Variants in METTL5 observed in about 807,000 individuals in gnomAD.
METTL5 encodes the protein methyltransferase 5, N6-adenosine, also known as rRNA N(6)-adenosine-methyltransferase METTL5.
In METTL5, 28 loss-of-function variants were observed where a neutral mutation model predicts 26.5. The ratio of observed to expected loss-of-function variants is 1.06; its 90% confidence interval spans 0.78 to 1.45. The LOEUF (loss-of-function observed/expected upper bound fraction) is 1.45. METTL5 is among the 40% of genes most tolerant of loss of function. The pLI is 0.00. For missense variants in METTL5, 231 were observed against 249.9 expected (o/e 0.92, Z 0.51); for synonymous variants, 86 against 82.6 (o/e 1.04, Z -0.22).
chr2:169,821,065 C>T, intron 3 of METTL5, 27 bp downstream of exon 3: 1 of 1,529,934 alleles, frequency 6.5e-7, no homozygotes, highest in Non-Finnish European at 8.8e-7. Context: ...TATAAATATA[C>T]CAATATACCC....
Position 169,824,636 on chromosome 2 carries a change from A to G in METTL5, c.-39T>C. The G allele has an allele frequency of 6.9e-7, 1 of 1,458,606 alleles. No homozygotes were observed. The highest frequency in any genetic ancestry group is 9.6e-7 in the Non-Finnish European group (1 of 1,038,380). The allele number at this position is 1,458,606 out of a possible 1,614,324, so 90.4% of individuals were successfully genotyped here. ...ATGGACTCGTAGGGTTTGAAGGCAC[A>G]GGATCTGCGGAGAAATCTATTGAAC... On this transcript the variant is annotated 5_prime_UTR_variant, in exon 1 of 7. Transcript: ENST00000260953.
At chr2:169,818,529 T>C (rs1224959235) in intron 4 of METTL5, among the ~76,000 whole-genome samples, 1 of 152,222 alleles carries the variant, frequency 6.6e-6, no homozygotes, top group Non-Finnish European at 1.5e-5. Flanking sequence ...GAGGATTTAT[T>C]TACTAGCTAT....
At chr2:169,814,821 T>C (rs982054723) in intron 5 of METTL5, among the ~76,000 whole-genome samples, 1 of 152,136 alleles carries the variant, frequency 6.6e-6, no homozygotes, top group Non-Finnish European at 1.5e-5. Flanking sequence ...GTGATCCGCC[T>C]GCCTCAGCCT....
At chr2:169,823,737 C>A (rs1369065337) in intron 1 of METTL5, among the ~76,000 whole-genome samples, 1 of 152,196 alleles carries the variant, frequency 6.6e-6, no homozygotes, top group African/African-American at 2.4e-5. Context: ...AGGAGGATCA[C>A]TTGAGTCCTG....
In METTL5 at chr2:169,813,558, A is replaced by G. The variant is rs531231784; in HGVS notation, c.542-1052T>C. On this transcript the variant is annotated intron_variant, in intron 5 of 6. Transcript: ENST00000260953. The stretch of plus-strand genomic sequence containing the variant: ...TGTTCTAAGGTGTTCCGTACTGCAT[A>G]TAATACCTAAAACTGGCCGGGCGCG... Among the ~76,000 whole-genome samples the G allele has an allele frequency of 5.9e-4, 90 of 152,050 alleles. No individual in the cohort carries two copies. The Middle Eastern group carries it at 0.02, about 34-fold the overall frequency.
chr2:169,813,373 C>T (rs1183942312), intron 5 of METTL5, among the ~76,000 whole-genome samples: 3 of 151,516 alleles, frequency 2.0e-5, no homozygotes, highest in Non-Finnish European at 4.4e-5. Context: ...TCAAGATCTG[C>T]CCACCTCAGC....
intron 3 of METTL5, among the ~76,000 whole-genome samples, chr2:169,820,267 G>A (rs1317458525): frequency 1.3e-5 from 2 of 152,120 alleles, no homozygotes; most frequent in Non-Finnish European, 2.9e-5. Context: ...AACTATGCAT[G>A]TCTTTTCCTA....
chr2:169,822,496 C>CAGAT (rs1376034727), intron 1 of METTL5, among the ~76,000 whole-genome samples: 2 of 152,202 alleles, frequency 1.3e-5, no homozygotes, highest in Non-Finnish European at 2.9e-5. Context: ...GCAACTCTAT[C>CAGAT]AATTTCCAAA....
chr2:169,819,590 A>G lies in METTL5; in HGVS notation c.460T>C (p.Tyr154His). Residue 154 changes from tyrosine (Y) to histidine (H), a missense_variant, in exon 4 of 7, where the codon TAT becomes CAT. Coordinates refer to ENST00000260953, the MANE Select transcript of METTL5 (RefSeq NM_014168.4). ...TALEMARTAV[Y>H]SLHKSSTREH... The stretch of plus-strand genomic sequence containing the variant: ...CTAGTTGAGGATTTGTGTAAGGAAT[A>G]TACTGCTGTTCTTGCCATTTCCAAA... The G allele has an allele frequency of 5.0e-6, 8 of 1,613,196 alleles. No individual in the cohort carries two copies. Among genetic ancestry groups the G allele is most frequent in the Non-Finnish European group, 6.8e-6 (8 of 1,179,430 alleles).
intron 3 of METTL5, 93 bp downstream of exon 3, chr2:169,820,999 G>T: frequency 1.9e-6 from 2 of 1,042,646 alleles, no homozygotes; most frequent in Non-Finnish European, 2.8e-6. Context: ...CAAAGCACTG[G>T]CATTACACGC....
At chr2:169,817,828 T>C (rs2081530707) in intron 4 of METTL5, among the ~76,000 whole-genome samples, 1 of 152,078 alleles carries the variant, frequency 6.6e-6, no homozygotes, top group African/African-American at 2.4e-5. Context: ...GACAAGTTGA[T>C]GGGTGCAGCA....
At chr2:169,823,506 C>T (rs1480923535) in intron 1 of METTL5, among the ~76,000 whole-genome samples, 1 of 152,186 alleles carries the variant, frequency 6.6e-6, no homozygotes, top group Non-Finnish European at 1.5e-5. Flanking sequence ...AAACTCCTTG[C>T]AGGTACTCTC....
chr2:169,812,676 C>A, intron 5 of METTL5, 170 bp from the exon 6 acceptor site: 1 of 648,176 alleles, frequency 1.5e-6, no homozygotes, highest in Non-Finnish European at 2.5e-6. Context: ...TAGCATTAGC[C>A]ATGGCAGCTT....
chr2:169,824,846 C>G lies in METTL5; in HGVS notation c.-249G>C. On this transcript the variant is annotated 5_prime_UTR_variant, in exon 1 of 7. Coordinates refer to ENST00000260953, the MANE Select transcript of METTL5 (RefSeq NM_014168.4). The stretch of plus-strand genomic sequence containing the variant: ...CGCACTGCTGGAGCAGCCTCAGGAT[C>G]CCTCGCGCCACGACCACGCACCTCT... 8.4e-6 allele frequency: 3 copies of G among 358,874 alleles called. No individual in the cohort carries two copies. The highest frequency in any genetic ancestry group is 1.6e-5 in the Non-Finnish European group (3 of 193,098). 22.2% of individuals were successfully genotyped at this position (358,874 alleles called of 1,614,324 possible).
chr2:169,824,052 G>C (rs2081619774), intron 1 of METTL5: 1 of 159,262 alleles, frequency 6.3e-6, no homozygotes, highest in Admixed American at 6.1e-5. Context: ...TTCATTTCTA[G>C]GGCAGAGTAT....
At chr2:169,815,390 G>A (rs930640379) in intron 5 of METTL5, 87 bp downstream of exon 5, 3 of 901,002 alleles carry the variant, frequency 3.3e-6, no homozygotes, top group African/African-American at 3.4e-5. Flanking sequence ...GTAAAGCATA[G>A]TTTATCTTCT....
chr2:169,818,342 C>A (rs1251655399), intron 4 of METTL5, among the ~76,000 whole-genome samples: 1 of 152,168 alleles, frequency 6.6e-6, no homozygotes, highest in Non-Finnish European at 1.5e-5. Context: ...CCTAATGCAC[C>A]TTTCTCCTTG....
At chr2:169,818,410 T>C (rs2098982) in intron 4 of METTL5, among the ~76,000 whole-genome samples, 88,685 of 152,006 alleles carry the variant, frequency 0.58, 27,282 homozygotes, top group Admixed American at 0.69. Flanking sequence ...TAAGACTAGA[T>C]GCTGAGTCCT....
rs762292822 is a variant in METTL5 at position 169,812,348 on chromosome 2, C to G, written c.591+109G>C. 194 of 1,598,022 alleles carry G rather than the reference C, an allele frequency of 1.2e-4. 1 individual carries two copies. The highest frequency in any genetic ancestry group is 3.3e-4 in the Middle Eastern group (2 of 6,014). On this transcript the variant is annotated intron_variant, in intron 6 of 6. Transcript: ENST00000260953. The stretch of plus-strand genomic sequence containing the variant: ...CTCTGCCTCCTGAGTTCAAGCGATT[C>G]TCTTGCCTCAGCCTCCCGAGTAGCT...
Sources: gnomAD v4.1 joint callset for allele counts (sites outside exome capture counted in the v4.1 genomes callset) on GRCh38, gnomAD v4.1.1 for gene constraint, MANE v1.5 for transcripts, NCBI Gene and HGNC (gene_info 2026-07-23, HGNC 2026-07-21) for gene names.